Variants in TG observed in about 807,000 individuals in gnomAD.
TG encodes thyroid hormones.
In TG, 270 loss-of-function variants were observed where a neutral mutation model predicts 324.7. The observed-to-expected ratio is 0.83, with a 90% CI of 0.75 to 0.92. TG has a LOEUF of 0.92. TG is among the 40% of genes least tolerant of loss of function. The pLI is 0.00. For synonymous variants in TG, 1,401 were observed against 1,327.0 expected, an observed-to-expected ratio of 1.06 and a Z score of -1.21; for missense variants, 3,591 against 3,456.4, an observed-to-expected ratio of 1.04 and a Z score of -0.98.
chr8:132,871,317 TTCTA>T (rs1450021699), intron 3 of TG, 27 bp from the exon 4 acceptor site: 14 of 1,611,566 alleles, frequency 8.7e-6, no homozygotes, highest in Non-Finnish European at 1.1e-5. Context: ...TTCCCTGCAG[TTCTA>T]TCTAACATTG....
chr8:132,914,274 TCTC>T (rs1430729756), intron 20 of TG, among the ~76,000 whole-genome samples: 6 of 152,174 alleles, frequency 3.9e-5, no homozygotes, highest in African/African-American at 1.4e-4. Context: ...GATTCAAAGG[TCTC>T]CTGATGAGAA....
intron 23 of TG, among the ~76,000 whole-genome samples, chr8:132,933,208 G>GAA (rs1563971091): frequency 1.0e-4 from 2 of 19,610 alleles, no homozygotes; most frequent in Non-Finnish European, 2.2e-4. Flanking sequence ...ATTTGTGTGT[G>GAA]TGTGTATTTG....
chr8:133,089,300 A>G (rs1346017291), intron 41 of TG, among the ~76,000 whole-genome samples: 3 of 152,176 alleles, frequency 2.0e-5, no homozygotes, highest in Non-Finnish European at 4.4e-5. Context: ...TAGAGGAATA[A>G]CTACCTCCCA....
At chr8:133,037,634 G>C (rs972502824) in intron 41 of TG, 1 of 147,004 alleles carries the variant, frequency 6.8e-6, no homozygotes, top group Non-Finnish European at 1.5e-5. Context: ...TAGGACTTAC[G>C]CATCTTTTTT....
At chr8:132,976,538 A>G (rs1830196611) in intron 34 of TG, among the ~76,000 whole-genome samples, 1 of 152,174 alleles carries the variant, frequency 6.6e-6, no homozygotes, top group South Asian at 2.1e-4. Context: ...TTTTGGCCTA[A>G]GGCCCAGCTC....
At chr8:133,023,150 G>A (rs1254062408) in intron 40 of TG, among the ~76,000 whole-genome samples, 1 of 152,226 alleles carries the variant, frequency 6.6e-6, no homozygotes, top group Non-Finnish European at 1.5e-5. Flanking sequence ...GTGTGTGAAT[G>A]TGTGGGGTAG....
chr8:132,879,302 A>T (rs1223450528), intron 5 of TG, among the ~76,000 whole-genome samples: 2 of 152,134 alleles, frequency 1.3e-5, no homozygotes, highest in Admixed American at 1.3e-4. Context: ...TGGTAGTCTC[A>T]CCCTTTGGCC....
At chr8:132,980,211 C>T (rs975730517) in intron 34 of TG, among the ~76,000 whole-genome samples, 1 of 152,040 alleles carries the variant, frequency 6.6e-6, no homozygotes, top group Admixed American at 6.6e-5. Flanking sequence ...AGAAGGAGGG[C>T]TAGCTGCCAC....
intron 41 of TG, among the ~76,000 whole-genome samples, chr8:133,078,602 G>C (rs912464500): frequency 2.0e-5 from 3 of 152,140 alleles, no homozygotes; most frequent in African/African-American, 7.2e-5. Flanking sequence ...AACAAATTTT[G>C]TTAGCACTCA....
chr8:133,097,185 A>G (rs1848553468), intron 43 of TG, among the ~76,000 whole-genome samples: 6 of 152,236 alleles, frequency 3.9e-5, no homozygotes. Flanking sequence ...GTTGAATATA[A>G]GGCAGTCTAA....
chr8:133,072,701 T>G (rs1442404819), intron 41 of TG, among the ~76,000 whole-genome samples: 2 of 152,212 alleles, frequency 1.3e-5, no homozygotes, highest in Non-Finnish European at 2.9e-5. Flanking sequence ...ATTTCTGTCT[T>G]TAAAAAGGCT....
At chr8:133,012,105 A>G (rs1286135618) in intron 36 of TG, 70 bp downstream of exon 36, 11 of 1,600,552 alleles carry the variant, frequency 6.9e-6, no homozygotes, top group East Asian at 2.2e-5. Context: ...AAGATTCTCA[A>G]CTTAGAAAAA....
At chr8:132,983,706 G>T (rs759600999) in intron 35 of TG, 6 of 495,078 alleles carry the variant, frequency 1.2e-5, no homozygotes, top group African/African-American at 7.8e-5. Flanking sequence ...GGATTATTTC[G>T]CCCTATCGAG....
chr8:133,020,230 C>G (rs536570334), intron 39 of TG, among the ~76,000 whole-genome samples: 20 of 152,306 alleles, frequency 1.3e-4, no homozygotes, highest in African/African-American at 4.6e-4. Flanking sequence ...TTCCCAGTAA[C>G]AGAGAGTTTG....
At chr8:132,899,789 T>C (rs1003967503) in intron 14 of TG, among the ~76,000 whole-genome samples, 1 of 152,138 alleles carries the variant, frequency 6.6e-6, no homozygotes, top group African/African-American at 2.4e-5. Context: ...GAGTGGAGCT[T>C]AGAGGCGCTC....
chr8:132,969,614 C>T (rs1271761333), intron 32 of TG, 45 bp downstream of exon 32: 2 of 1,330,174 alleles, frequency 1.5e-6, no homozygotes, highest in East Asian at 4.6e-5. Flanking sequence ...ATGAATAATA[C>T]TTCCTCAAAG....
At chr8:133,034,790 TGGGCTGCCA>T (rs1158691769) in intron 41 of TG, among the ~76,000 whole-genome samples, 1 of 152,146 alleles carries the variant, frequency 6.6e-6, no homozygotes, top group Admixed American at 6.5e-5. Context: ...GGGTTGAGTT[TGGGCTGCCA>T]GGGCTTCCAG....
intron 35 of TG, among the ~76,000 whole-genome samples, chr8:132,997,770 G>A (rs1333600424): frequency 6.6e-6 from 1 of 152,186 alleles, no homozygotes; most frequent in Non-Finnish European, 1.5e-5. Flanking sequence ...GAACAAGATT[G>A]ACAGCTAAAA....
chr8:133,073,490 T>G (rs1844386793), intron 41 of TG, among the ~76,000 whole-genome samples: 1 of 152,078 alleles, frequency 6.6e-6, no homozygotes, highest in Non-Finnish European at 1.5e-5. Context: ...GCCTCCCGAG[T>G]AGCTGGGATT....
Sources: gnomAD v4.1 joint callset for allele counts (sites outside exome capture counted in the v4.1 genomes callset) on GRCh38, gnomAD v4.1.1 for gene constraint, MANE v1.5 for transcripts, NCBI Gene and HGNC (gene_info 2026-07-23, HGNC 2026-07-21) for gene names.